ARFGEF3: variants seen among roughly 807,000 people sequenced by gnomAD.
The protein encoded by ARFGEF3 is ARFGEF family member 3, also known as brefeldin A-inhibited guanine nucleotide-exchange protein 3.
In ARFGEF3, 96 loss-of-function variants were observed where a neutral mutation model predicts 221.7. The ratio of observed to expected loss-of-function variants is 0.43; its 90% CI spans 0.37 to 0.51. The LOEUF (loss-of-function observed/expected upper bound fraction) is 0.51. Among genes scored for constraint, ARFGEF3 ranks in the 20% least tolerant of loss-of-function variants. The pLI, the probability that ARFGEF3 is intolerant of heterozygous loss-of-function variation, is 0.00. For missense variants in ARFGEF3, 2,410 were observed against 2,789.9 expected (o/e 0.86, Z 3.07); for synonymous variants, 1,145 against 1,126.8 (o/e 1.02, Z -0.32).
At chr6:138,237,548 G>T (rs1778310223) in intron 5 of ARFGEF3, among the ~76,000 whole-genome samples, 1 of 152,034 alleles carries the variant, frequency 6.6e-6, no homozygotes, top group Non-Finnish European at 1.5e-5. Flanking sequence ...CCATGTAGTA[G>T]CCACCACCAG....
intron 20 of ARFGEF3, among the ~76,000 whole-genome samples, chr6:138,294,929 A>G (rs146086040): frequency 4.1e-4 from 63 of 152,286 alleles, no homozygotes; most frequent in Non-Finnish European, 6.9e-4. Flanking sequence ...TTCTAAGTGT[A>G]GTATATTTGA....
intron 12 of ARFGEF3, among the ~76,000 whole-genome samples, chr6:138,278,115 C>T (rs910490300): frequency 1.3e-5 from 2 of 152,068 alleles, no homozygotes; most frequent in Non-Finnish European, 2.9e-5. Context: ...AGGGAGCCAC[C>T]GGAGGGCTCA....
intron 8 of ARFGEF3, among the ~76,000 whole-genome samples, chr6:138,251,841 G>T (rs1778589950): frequency 6.6e-6 from 1 of 152,006 alleles, no homozygotes; most frequent in Non-Finnish European, 1.5e-5. Context: ...TTGCGTTAAG[G>T]TATTCATTCA....
intron 12 of ARFGEF3, among the ~76,000 whole-genome samples, chr6:138,265,162 C>G (rs553431214): frequency 6.6e-6 from 1 of 152,196 alleles, no homozygotes; most frequent in South Asian, 2.1e-4. Flanking sequence ...CTTGGCCTCC[C>G]AAAGTGCTGG....
In ARFGEF3 at chr6:138,324,165, G is replaced by A. The variant is rs1456325300; in HGVS notation, c.5001+11G>A. ...GCCATGGCCCAGCAGGTAAGGGCAG[G>A]GGCTTTTGATCTCAGGAGCTCTAGA... On this transcript the variant is annotated intron_variant, in intron 31 of 33. Transcript: ENST00000251691. The A allele has an allele frequency of 1.5e-5, 24 of 1,609,160 alleles. No individual in the cohort carries two copies. The highest frequency in any genetic ancestry group is 2.0e-5 in the Non-Finnish European group (24 of 1,177,084).
chr6:138,189,552 A>G (rs763071833), intron 2 of ARFGEF3, among the ~76,000 whole-genome samples: 2 of 152,218 alleles, frequency 1.3e-5, no homozygotes, highest in Non-Finnish European at 2.9e-5. Flanking sequence ...ATAGTATGTA[A>G]TATTTTGAAG....
At position 138,230,779 on chromosome 6, in the gene ARFGEF3, A is replaced by G. The variant is rs144026584; in HGVS notation, c.420+927A>G. Among the ~76,000 whole-genome samples the G allele has an allele frequency of 7.2e-3, 1,091 of 152,368 alleles. 6 individuals are homozygous for G. Among genetic ancestry groups the G allele is most frequent in the African/African-American group, 0.025 (1,022 of 41,592 alleles). On this transcript the variant is annotated intron_variant, in intron 5 of 33. Coordinates refer to ENST00000251691, the MANE Select transcript of ARFGEF3 (RefSeq NM_020340.5). ...TTACAATACAAGTCACTTTTAAAAT[A>G]TGGATTGATACAGATGGAAAGAACA...
chr6:138,242,885 A>T, intron 6 of ARFGEF3, 67 bp from the exon 7 acceptor site: 1 of 1,409,410 alleles, frequency 7.1e-7, no homozygotes, highest in East Asian at 2.3e-5. Context: ...GAATTTTCCC[A>T]TTGTCAAAGA....
At chr6:138,266,889 A>G (rs1025319663) in intron 12 of ARFGEF3, among the ~76,000 whole-genome samples, 13 of 148,130 alleles carry the variant, frequency 8.8e-5, no homozygotes, top group Admixed American at 6.8e-4. Context: ...TCATGAGCTA[A>G]GGGAGTTGTA....
At chr6:138,209,358 G>A (rs564965589) in intron 3 of ARFGEF3, among the ~76,000 whole-genome samples, 52 of 152,128 alleles carry the variant, frequency 3.4e-4, no homozygotes, top group Non-Finnish European at 2.1e-4. Flanking sequence ...TTGTATGGCC[G>A]GCACATTAGG....
At chr6:138,270,159 CAG>C (rs891788584) in intron 12 of ARFGEF3, among the ~76,000 whole-genome samples, 4 of 152,124 alleles carry the variant, frequency 2.6e-5, no homozygotes, top group African/African-American at 4.8e-5. Context: ...TCCTAGGAGA[CAG>C]GGCACATTGC....
intron 8 of ARFGEF3, among the ~76,000 whole-genome samples, chr6:138,252,649 T>TA (rs1188567937): frequency 6.6e-6 from 1 of 152,212 alleles, no homozygotes; most frequent in Non-Finnish European, 1.5e-5. Flanking sequence ...TTTGAACTGT[T>TA]AAAGACACTA....
chr6:138,224,997 T>C (rs1778055476), intron 4 of ARFGEF3, among the ~76,000 whole-genome samples: 1 of 152,116 alleles, frequency 6.6e-6, no homozygotes, highest in African/African-American at 2.4e-5. Context: ...ACTAGGACAG[T>C]AGGGGTTGGT....
In ARFGEF3 at chr6:138,322,592, C is replaced by T. The variant is rs186404951; in HGVS notation, c.4767-1079C>T. Among the ~76,000 whole-genome samples, 354 of 152,046 alleles carry T rather than the reference C, an allele frequency of 2.3e-3. 3 individuals are homozygous for T. Among genetic ancestry groups the T allele is most frequent in the Admixed American group, 3.7e-3 (56 of 15,284 alleles). ...CAGGCAGATCACAAGGTCAGGAGTTCGAGACTAGCCTGGCCAATATGATGA... is the reference window on the plus strand; with the variant it reads ...CAGGCAGATCACAAGGTCAGGAGTTTGAGACTAGCCTGGCCAATATGATGA... On this transcript the variant is annotated intron_variant, in intron 29 of 33. Coordinates refer to ENST00000251691, the MANE Select transcript of ARFGEF3 (RefSeq NM_020340.5).
intron 2 of ARFGEF3, among the ~76,000 whole-genome samples, chr6:138,173,541 C>T (rs553168096): frequency 1.3e-5 from 2 of 152,288 alleles, no homozygotes; most frequent in East Asian, 3.9e-4. Flanking sequence ...TGGGCGCATA[C>T]ATATATTTAG....
At chr6:138,314,972 G>A (rs747830161) in intron 26 of ARFGEF3, among the ~76,000 whole-genome samples, 8 of 152,136 alleles carry the variant, frequency 5.3e-5, no homozygotes, top group Non-Finnish European at 1.2e-4. Context: ...GGATTCCTCT[G>A]TCTAAAACTA....
rs936615561 is a variant in ARFGEF3, at chr6:138,323,743, T to A, written c.4839T>A (p.Asp1613Glu). 2 of 1,613,864 alleles carry A rather than the reference T, an allele frequency of 1.2e-6. No individual in the cohort carries two copies. The highest frequency in any genetic ancestry group is 1.7e-6 in the Non-Finnish European group (2 of 1,179,872). Residue 1613 changes from aspartate (D) to glutamate (E), a missense_variant, in exon 30 of 34, where the codon GAT (aspartate) becomes GAA (glutamate). Transcript: ENST00000251691. ...GGCTTGCCTGCTGTGCCCTGCAAGA[T>A]GCGTTCTCTGCCACACTCAAGCCAG... ...MWRLACCALQDAFSATLKPVK... is the reference protein window; with the variant it reads ...MWRLACCALQEAFSATLKPVK...
At chr6:138,324,787 A>G (rs139315285) in intron 31 of ARFGEF3, among the ~76,000 whole-genome samples, 23 of 152,370 alleles carry the variant, frequency 1.5e-4, no homozygotes, top group African/African-American at 5.3e-4. Flanking sequence ...TGTTGAATCA[A>G]TAGGTTACTG....
At chr6:138,195,363 A>G (rs1041126847) in intron 2 of ARFGEF3, among the ~76,000 whole-genome samples, 1 of 152,150 alleles carries the variant, frequency 6.6e-6, no homozygotes, top group Non-Finnish European at 1.5e-5. Context: ...AAAATGTAGA[A>G]ACATGTAAAT....
Sources: gnomAD v4.1 joint callset for allele counts (sites outside exome capture counted in the v4.1 genomes callset) on GRCh38, gnomAD v4.1.1 for gene constraint, MANE v1.5 for transcripts, NCBI Gene and HGNC (gene_info 2026-07-23, HGNC 2026-07-21) for gene names.